Variants in LYSMD3 observed in about 807,000 individuals in gnomAD.
LYSMD3 encodes LysM domain containing 3.
Under a neutral mutation model 26.1 loss-of-function variants are expected in LYSMD3, and 13 were observed. The ratio of observed to expected loss-of-function variants is 0.50; its 90% CI spans 0.32 to 0.79. The LOEUF (loss-of-function observed/expected upper bound fraction) is 0.79, where lower values mean the gene tolerates loss of function less well. LYSMD3 is among the 30% of genes least tolerant of loss of function. LYSMD3 has a pLI of 0.03. For missense variants in LYSMD3, 331 were observed against 362.5 expected, an observed-to-expected ratio of 0.91 and a Z score of 0.71; for synonymous variants, 109 against 119.4, an observed-to-expected ratio of 0.91 and a Z score of 0.57.
chr5:90,525,687 T>A (rs1753207641), intron 1 of LYSMD3, among the ~76,000 whole-genome samples: 1 of 152,122 alleles, frequency 6.6e-6, no homozygotes, highest in Admixed American at 6.5e-5. Flanking sequence ...TGACCTCAGG[T>A]GATCTGCCCA....
intron 1 of LYSMD3, among the ~76,000 whole-genome samples, chr5:90,528,202 A>T (rs915463531): frequency 2.0e-5 from 3 of 152,092 alleles, no homozygotes; most frequent in African/African-American, 7.2e-5. Context: ...AATTTTATAC[A>T]TATGTATATT....
chr5:90,519,484 C>T lies in LYSMD3; in HGVS notation c.256G>A (p.Val86Ile), dbSNP rs369227892. ...TTGTTAACTCTCTTGATATCTGCTA[C>T]CTGTGGGGGGGAAAAAAAAGCAACA... is the stretch of plus-strand genomic sequence containing the variant. ...NAIALQYCCT[V>I]ADIKRVNNLI... The change falls in exon 3 of 3, where the codon GTA (valine) becomes ATA (isoleucine). Residue 86 changes from valine to isoleucine, a missense_variant and splice_region_variant. Around this residue, in one of 3 missense-constraint regions of LYSMD3, gnomAD observed 262 missense variants for 267.3 expected, o/e 0.98. Transcript: ENST00000315948. 3 of 1,558,260 alleles carry T rather than the reference C, an allele frequency of 1.9e-6. No individual in the cohort carries two copies. Among genetic ancestry groups the T allele is most frequent in the Non-Finnish European group, 2.6e-6 (3 of 1,155,882 alleles).
chr5:90,527,096 C>T (rs1753241153), intron 1 of LYSMD3: 1 of 152,040 alleles, frequency 6.6e-6, no homozygotes. Flanking sequence ...CAAAGACTCA[C>T]TATTTTTTGA....
intron 1 of LYSMD3, among the ~76,000 whole-genome samples, chr5:90,527,409 G>GAAT (rs1554042885): frequency 2.1e-5 from 2 of 93,634 alleles, no homozygotes; most frequent in African/African-American, 5.2e-5. Context: ...TGTATTAATG[G>GAAT]TATTTTTTTT....
chr5:90,524,359 A>G (rs1356909076), intron 2 of LYSMD3, among the ~76,000 whole-genome samples: 1 of 152,148 alleles, frequency 6.6e-6, no homozygotes, highest in African/African-American at 2.4e-5. Flanking sequence ...TATGAGCACA[A>G]AAAAAGGTAA....
chr5:90,518,787 G>GTGACC lies in LYSMD3; in HGVS notation c.*27_*31dup, dbSNP rs1305059. The stretch of plus-strand genomic sequence containing the variant: ...GATTCACCACATTCCAGATGCACAT[G>GTGACC]TGACCACTAACATTTGATTATGAGC... On this transcript the variant is annotated 3_prime_UTR_variant, in exon 3 of 3. Coordinates refer to ENST00000315948, the MANE Select transcript of LYSMD3 (RefSeq NM_198273.2). 861,442 of 1,566,184 alleles carry GTGACC rather than the reference G, an allele frequency of 0.55. 238,705 individuals carry two copies. The highest frequency in any genetic ancestry group is 0.64 in the African/African-American group (46,953 of 73,708).
Position 90,519,495 on chromosome 5 carries a change from G to GAAAAAAA in LYSMD3, c.256-18_256-12dup. 1 of 1,556,546 alleles carries GAAAAAAA rather than the reference G, an allele frequency of 6.4e-7. No homozygotes were observed. Among genetic ancestry groups the GAAAAAAA allele is most frequent in the Admixed American group, 1.9e-5 (1 of 53,440 alleles). ...CTTGATATCTGCTACCTGTGGGGGGGAAAAAAAAGCAACATACAACTGAAT... is the reference window on the plus strand; with the variant it reads ...CTTGATATCTGCTACCTGTGGGGGGGAAAAAAAAAAAAAAAGCAACATACAACTGAAT... On this transcript the variant is annotated splice_polypyrimidine_tract_variant and intron_variant, in intron 2 of 2. Coordinates refer to ENST00000315948, the MANE Select transcript of LYSMD3 (RefSeq NM_198273.2).
chr5:90,519,426 C>T lies in LYSMD3; in HGVS notation c.314G>A (p.Arg105Lys), dbSNP rs758816892. The T allele has an allele frequency of 3.1e-6, 5 of 1,613,494 alleles. No individual in the cohort carries two copies. The highest frequency in any genetic ancestry group is 3.4e-6 in the Non-Finnish European group (4 of 1,179,860). The change falls in exon 3 of 3, where the codon AGG becomes AAG. Residue 105 changes from arginine to lysine, a missense_variant. This residue lies in a region of LYSMD3 where 262 missense variants were observed against 267.3 expected (regional missense o/e 0.98). Transcript: ENST00000315948. ...CTTTTTTACTGGAATTTTGATAGAC[C>T]TAAGGGCAAAAAAGTCTTGATCACT... ...LISDQDFFAL[R>K]SIKIPVKKFS...
At chr5:90,528,834 A>G (rs1198317247) in intron 1 of LYSMD3, among the ~76,000 whole-genome samples, 1 of 152,186 alleles carries the variant, frequency 6.6e-6, no homozygotes, top group Non-Finnish European at 1.5e-5. Context: ...CTGTAACTGA[A>G]AACGGTTTCC....
At position 90,518,779 on chromosome 5, in the gene LYSMD3, A is replaced by T. The variant is rs1753009709; in HGVS notation, c.*40T>A. Reference sequence around the variant, plus strand: ...ATATAACTGATTCACCACATTCCAGATGCACATGTGACCACTAACATTTGA... The same window carrying T: ...ATATAACTGATTCACCACATTCCAGTTGCACATGTGACCACTAACATTTGA... On this transcript the variant is annotated 3_prime_UTR_variant, in exon 3 of 3. Coordinates refer to ENST00000315948, the MANE Select transcript of LYSMD3 (RefSeq NM_198273.2). The T allele has an allele frequency of 3.1e-6, 3 of 972,594 alleles. No individual in the cohort carries two copies. The highest frequency in any genetic ancestry group is 2.7e-5 in the South Asian group (1 of 36,790). 60.2% of individuals were successfully genotyped at this position (972,594 alleles called of 1,614,324 possible).
chr5:90,516,199 T>C lies in LYSMD3; in HGVS notation c.*2620A>G, dbSNP rs1465379672. 6.6e-6 allele frequency: 1 copy of C among 152,150 alleles called. No individual in the cohort carries two copies. The highest frequency in any genetic ancestry group is 1.5e-5 in the Non-Finnish European group (1 of 67,966). The allele number at this position is 152,150 out of a possible 1,614,324, so 9.4% of individuals were successfully genotyped here. On this transcript the variant is annotated 3_prime_UTR_variant, in exon 3 of 3. Transcript: ENST00000315948. ...AACATGAGTCTTCTAATTTTTAATG[T>C]GGCCAGCAGAGTGTGTAACCATTTT...
chr5:90,525,232 G>A lies in LYSMD3; in HGVS notation c.58C>T (p.Gln20Ter). 1 of 1,613,610 alleles carries A rather than the reference G, an allele frequency of 6.2e-7. No homozygotes were observed. Among genetic ancestry groups the A allele is most frequent in the Non-Finnish European group, 8.5e-7 (1 of 1,179,888 alleles). ...GAACAATTTCCAAATGCATGTACTTGACCACTTGACTGAACTCCTGGAAGA... is the reference window on the plus strand; with the variant it reads ...GAACAATTTCCAAATGCATGTACTTAACCACTTGACTGAACTCCTGGAAGA... ...FPLPGVQSSG[Q>*]VHAFGNCSDS... Residue 20 changes from glutamine to a stop codon, truncating the protein, a stop_gained, in exon 2 of 3, where the codon CAA (glutamine) becomes TAA (stop). Coordinates refer to ENST00000315948, the MANE Select transcript of LYSMD3 (RefSeq NM_198273.2). LOFTEE classifies it high-confidence loss of function.
rs754949577 is a variant in LYSMD3, at chr5:90,525,141, ACTTT to A, written c.145_148del (p.Lys49SerfsTer14). 6.2e-7 allele frequency: 1 copy of A among 1,614,034 alleles called. No homozygotes were observed. Among genetic ancestry groups the A allele is most frequent in the South Asian group, 1.1e-5 (1 of 91,082 alleles). On this transcript the variant is annotated frameshift_variant, in exon 2 of 3. Transcript: ENST00000315948. LOFTEE classifies it high-confidence loss of function. ...TCTATCTCTTGATGTACTTCTTCGG[ACTTT>A]CTCTTTTCCTCTGGATCGAAGTTCA... is the stretch of plus-strand genomic sequence containing the variant.
chr5:90,524,330 GTA>G (rs1753163707), intron 2 of LYSMD3, among the ~76,000 whole-genome samples: 1 of 152,090 alleles, frequency 6.6e-6, no homozygotes, highest in Non-Finnish European at 1.5e-5. Context: ...CCCCAAATAT[GTA>G]TATATAAATA....
rs772600684 is a variant in LYSMD3 at position 90,517,338 on chromosome 5, G to C, written c.*1481C>G. 1 of 151,878 alleles carries C rather than the reference G, an allele frequency of 6.6e-6. No homozygotes were observed. Among genetic ancestry groups the C allele is most frequent in the Non-Finnish European group, 1.5e-5 (1 of 67,872 alleles). 9.4% of individuals were successfully genotyped at this position (151,878 alleles called of 1,614,324 possible). On this transcript the variant is annotated 3_prime_UTR_variant, in exon 3 of 3. Coordinates refer to ENST00000315948, the MANE Select transcript of LYSMD3 (RefSeq NM_198273.2). ...AAATATATAAAATGACTTATCAAAA[G>C]CCTGAAACATCAACAATTAGGAAAT...
At chr5:90,519,966 GA>G (rs897124402) in intron 2 of LYSMD3, among the ~76,000 whole-genome samples, 7 of 146,718 alleles carry the variant, frequency 4.8e-5, no homozygotes, top group South Asian at 2.2e-4. Context: ...TATATCTAGG[GA>G]AAAAAAAAAC....
intron 2 of LYSMD3, among the ~76,000 whole-genome samples, chr5:90,523,983 A>G (rs7717423): frequency 0.38 from 57,959 of 151,990 alleles, 11,318 homozygotes; most frequent in Non-Finnish European, 0.42. Flanking sequence ...TATCTATTAA[A>G]ATTAAAAATA....
At chr5:90,529,116 G>A (rs927244600) in intron 1 of LYSMD3, among the ~76,000 whole-genome samples, 1 of 152,254 alleles carries the variant, frequency 6.6e-6, no homozygotes, top group East Asian at 1.9e-4. Context: ...CTTGAACGAT[G>A]TGACAAGATG....
At chr5:90,523,022 T>C (rs1753130269) in intron 2 of LYSMD3, among the ~76,000 whole-genome samples, 1 of 152,194 alleles carries the variant, frequency 6.6e-6, no homozygotes, top group Non-Finnish European at 1.5e-5. Flanking sequence ...CTCGGATCTG[T>C]ACCTTGATGT....
Sources: gnomAD v4.1 joint callset for allele counts (sites outside exome capture counted in the v4.1 genomes callset) on GRCh38, gnomAD v4.1.1 for gene constraint, gnomAD v4.1.1 regional missense constraint, MANE v1.5 for transcripts, NCBI Gene and HGNC (gene_info 2026-07-23, HGNC 2026-07-21) for gene names.